The following SUSD4 variants were observed in gnomAD, a reference collection of about 807,000 sequenced individuals.
The protein encoded by SUSD4 is sushi domain containing 4, also known as sushi domain-containing protein 4.
Under a neutral mutation model 50.5 loss-of-function variants are expected in SUSD4, and 41 were observed. The ratio of observed to expected loss-of-function variants is 0.81; its 90% confidence interval spans 0.63 to 1.05. SUSD4 has a LOEUF of 1.05. SUSD4 is among the 50% of genes least tolerant of loss of function. The probability of loss-of-function intolerance (pLI) is 0.00; values close to 1 mark genes in which losing one functional copy is unlikely to be tolerated. For synonymous variants in SUSD4, 257 were observed against 257.3 expected (o/e 1.00, Z 0.01); for missense variants, 580 against 634.7 (o/e 0.91, Z 0.93).
rs556489651 is a variant in SUSD4, at chr1:223,237,544, G to T, written c.725-8156C>A. ...GCCCTTTATTTCTAGTTTACTGGGA[G>T]TTTTTTTTTAAATCATAAATTGGTG... On this transcript the variant is annotated intron_variant, in intron 5 of 8. Coordinates refer to ENST00000366878, the MANE Select transcript of SUSD4 (RefSeq NM_017982.4). Among the ~76,000 whole-genome samples, 53 of 151,276 alleles carry T rather than the reference G, an allele frequency of 3.5e-4. 1 individual carries two copies. The highest frequency in any genetic ancestry group is 1.2e-3 in the African/African-American group (49 of 41,304).
chr1:223,285,818 C>T (rs756240248), intron 3 of SUSD4, among the ~76,000 whole-genome samples: 1 of 152,112 alleles, frequency 6.6e-6, no homozygotes, highest in Non-Finnish European at 1.5e-5. Context: ...AAGTGGGGAA[C>T]CACACACACC....
chr1:223,239,781 ATAT>A (rs765063445), intron 5 of SUSD4, among the ~76,000 whole-genome samples: 5 of 151,788 alleles, frequency 3.3e-5, no homozygotes, highest in Non-Finnish European at 5.9e-5. Flanking sequence ...TATTGTTTTG[ATAT>A]TATTATTTTG....
rs919220224 is a variant in SUSD4, at chr1:223,227,542, T to C, written c.1061+52A>G. The C allele has an allele frequency of 2.1e-5, 33 of 1,594,600 alleles. No homozygotes were observed. The highest frequency in any genetic ancestry group is 1.7e-4 in the Middle Eastern group (1 of 6,020). ...CACTTTCTCCCTCTGCTGCTAAGGG[T>C]AGCTGCATTGAGTCAGACCTTGAGC... is the stretch of plus-strand genomic sequence containing the variant. On this transcript the variant is annotated intron_variant, in intron 7 of 8. Coordinates refer to ENST00000366878, the MANE Select transcript of SUSD4 (RefSeq NM_017982.4). The surrounding 1 kb of genome is among the most constrained non-coding windows in gnomAD (Gnocchi z 4.5).
intron 2 of SUSD4, among the ~76,000 whole-genome samples, chr1:223,354,258 A>T (rs1668532388): frequency 6.6e-6 from 1 of 152,084 alleles, no homozygotes; most frequent in Non-Finnish European, 1.5e-5. Context: ...AGGAGCAATC[A>T]ATTGCCAGAA....
intron 2 of SUSD4, among the ~76,000 whole-genome samples, chr1:223,302,368 C>T (rs1235000560): frequency 6.6e-6 from 1 of 152,220 alleles, no homozygotes; most frequent in Non-Finnish European, 1.5e-5. Flanking sequence ...GATAGCCTAA[C>T]TTATCCAGGG....
chr1:223,355,527 TTC>T (rs1668614111), intron 2 of SUSD4, among the ~76,000 whole-genome samples: 1 of 152,176 alleles, frequency 6.6e-6, no homozygotes, highest in East Asian at 1.9e-4. Flanking sequence ...CCCATTTTCT[TTC>T]TTTCTTAAAA....
chr1:223,262,993 A>C (rs1349557984), intron 5 of SUSD4, among the ~76,000 whole-genome samples: 1 of 152,212 alleles, frequency 6.6e-6, no homozygotes, highest in Non-Finnish European at 1.5e-5. Context: ...ATGCCTATCC[A>C]ATCATATTCT....
chr1:223,288,239 T>C (rs1371297232), intron 3 of SUSD4, among the ~76,000 whole-genome samples: 1 of 152,158 alleles, frequency 6.6e-6, no homozygotes, highest in African/African-American at 2.4e-5. Flanking sequence ...TGAGATCTGA[T>C]GGTTTTAAAA....
chr1:223,298,486 C>A (rs1253738283), intron 2 of SUSD4, among the ~76,000 whole-genome samples: 2 of 152,128 alleles, frequency 1.3e-5, no homozygotes, highest in African/African-American at 4.8e-5. Context: ...GTATGGGGGG[C>A]CAGAGGTAGG....
chr1:223,229,356 C>T lies in SUSD4; in HGVS notation c.757G>A (p.Asp253Asn), dbSNP rs1659742276. ...CAAGGCCGCGGGTGGCAGACGAAAT[C>T]TCCGTGACTCACCATTGGAGGTAGT... ...CPLPPMVSHG[D>N]FVCHPRPCER... The change falls in exon 6 of 9, where the codon GAT (aspartate) becomes AAT (asparagine). Residue 253 changes from aspartate (D) to asparagine (N), a missense_variant. Coordinates refer to ENST00000366878, the MANE Select transcript of SUSD4 (RefSeq NM_017982.4). This position sits in a 1 kb window ranked among gnomAD's most constrained non-coding sequence, Gnocchi z 4.7. 6.2e-7 allele frequency: 1 copy of T among 1,603,820 alleles called. No homozygotes were observed. The highest frequency in any genetic ancestry group is 8.5e-7 in the Non-Finnish European group (1 of 1,172,176).
At chr1:223,335,299 C>T (rs1203587833) in intron 2 of SUSD4, among the ~76,000 whole-genome samples, 5 of 152,182 alleles carry the variant, frequency 3.3e-5, no homozygotes, top group Non-Finnish European at 1.5e-5. Context: ...AATCTCCACA[C>T]TGTTTTTCTT....
upstream of SUSD4, among the ~76,000 whole-genome samples, chr1:223,365,057 CG>C (rs1558289770): frequency 6.6e-6 from 1 of 151,872 alleles, no homozygotes; most frequent in African/African-American, 2.4e-5. Context: ...GGCGGGGAGG[CG>C]GGGGTAGCGG....
At chr1:223,239,467 T>C (rs1660434272) in intron 5 of SUSD4, among the ~76,000 whole-genome samples, 1 of 152,140 alleles carries the variant, frequency 6.6e-6, no homozygotes, top group African/African-American at 2.4e-5. Context: ...TTGGTTTTAA[T>C]TGAGCATTTT....
chr1:223,314,315 C>T (rs1666050203), intron 2 of SUSD4, among the ~76,000 whole-genome samples: 1 of 152,110 alleles, frequency 6.6e-6, no homozygotes, highest in African/African-American at 2.4e-5. Context: ...CCTGGATAAA[C>T]ATTCAGTGAG....
chr1:223,287,106 T>C (rs1664195389), intron 3 of SUSD4, among the ~76,000 whole-genome samples: 1 of 152,204 alleles, frequency 6.6e-6, no homozygotes, highest in Admixed American at 6.5e-5. Flanking sequence ...AGGCAAGTCT[T>C]GTTCTGTAGC....
Position 223,332,950 on chromosome 1 carries a change from G to C in SUSD4, c.148+30328C>G, listed in dbSNP as rs1429073805. On this transcript the variant is annotated intron_variant, in intron 2 of 8. Coordinates refer to ENST00000366878, the MANE Select transcript of SUSD4 (RefSeq NM_017982.4). The surrounding 1 kb of genome is among the most constrained non-coding windows in gnomAD (Gnocchi z 4.0). ...CCTGCTCCTGATACTCTGCGTGGAA[G>C]CTGCCGCAACTGCACACCACACCCT... 6.6e-6 allele frequency among the ~76,000 whole-genome samples: 1 copy of C among 152,116 alleles called. No homozygotes were observed. Among genetic ancestry groups the C allele is most frequent in the Non-Finnish European group, 1.5e-5 (1 of 68,008 alleles).
At chr1:223,362,569 C>T (rs1054499361) in intron 2 of SUSD4, among the ~76,000 whole-genome samples, 13 of 152,112 alleles carry the variant, frequency 8.5e-5, no homozygotes, top group Non-Finnish European at 1.9e-4. Flanking sequence ...AGATTAGCCG[C>T]CCACGGAGGC....
intron 5 of SUSD4, among the ~76,000 whole-genome samples, chr1:223,248,333 G>A (rs1661079696): frequency 6.6e-6 from 1 of 152,148 alleles, no homozygotes; most frequent in African/African-American, 2.4e-5. Context: ...AGGAAGACAG[G>A]GACTCTGCTC....
At chr1:223,296,863 T>C (rs894561403) in intron 2 of SUSD4, among the ~76,000 whole-genome samples, 2 of 152,160 alleles carry the variant, frequency 1.3e-5, no homozygotes, top group African/African-American at 4.8e-5. Context: ...TCTGCCATGA[T>C]TGTGAGTTTC....
Sources: allele counts gnomAD v4.1 joint callset (sites outside exome capture counted in the v4.1 genomes callset), GRCh38; gene constraint gnomAD v4.1.1; non-coding constraint Gnocchi (gnomAD v3.1); transcripts MANE v1.5; gene names NCBI Gene and HGNC (gene_info 2026-07-23, HGNC 2026-07-21).